RNF112: variants seen among roughly 807,000 people sequenced by gnomAD.
RNF112 encodes the protein ring finger protein 112, also known as brain finger protein.
RNF112 carries 34 observed loss-of-function variants against 64.7 expected under a neutral mutation model. That is an observed-to-expected ratio of 0.53 (90% CI 0.40 to 0.70). The LOEUF is 0.70. Among genes scored for constraint, RNF112 ranks in the 30% least tolerant of loss-of-function variants. The pLI is 0.00. For synonymous variants in RNF112, 345 were observed against 344.5 expected (o/e 1.00, Z -0.02); for missense variants, 734 against 850.0 (o/e 0.86, Z 1.70).
chr17:19,412,543 G>A lies in RNF112; in HGVS notation c.141G>A (p.Gln47=). ...AGTTGGAGCTAGGCCTGGGGCCCCA[G>A]CCCATGGCGCCCCGGGAGCTCCCTA... The part of the protein sequence containing the change: ...FPKLELGLGP[Q]PMAPRELPTC... The change falls in exon 3 of 14, where the codon CAG becomes CAA. Residue 47 remains glutamine, a synonymous_variant. Transcript: ENST00000461366. The surrounding 1 kb of genome is among the most constrained non-coding windows in gnomAD (Gnocchi z 5.1). The A allele has an allele frequency of 6.2e-7, 1 of 1,613,416 alleles. No homozygotes were observed. Among genetic ancestry groups the A allele is most frequent in the East Asian group, 2.2e-5 (1 of 44,842 alleles).
chr17:19,411,473 A>G lies in RNF112; in HGVS notation c.54+11A>G. Reference sequence around the variant, plus strand: ...CGGCTTGGCAAACGGGCAAGTCTTCAGTCCTAAGATCGGGAAGGAGAGTGG... The same window carrying G: ...CGGCTTGGCAAACGGGCAAGTCTTCGGTCCTAAGATCGGGAAGGAGAGTGG... On this transcript the variant is annotated intron_variant, in intron 1 of 13. Transcript: ENST00000461366. The G allele has an allele frequency of 7.1e-7, 1 of 1,416,088 alleles. No individual in the cohort carries two copies. The highest frequency in any genetic ancestry group is 3.5e-5 in the East Asian group (1 of 28,600). 87.7% of individuals were successfully genotyped at this position (1,416,088 alleles called of 1,614,324 possible).
chr17:19,415,317 C>T lies in RNF112; in HGVS notation c.1328C>T (p.Pro443Leu). 1 of 1,609,012 alleles carries T rather than the reference C, an allele frequency of 6.2e-7. No individual in the cohort carries two copies. Residue 443 changes from proline to leucine, a missense_variant, in exon 12 of 14, where the codon CCC becomes CTC. Coordinates refer to ENST00000461366, the MANE Select transcript of RNF112 (RefSeq NM_007148.5). The surrounding 1 kb of genome is among the most constrained non-coding windows in gnomAD (Gnocchi z 7.8). ...NLSGWMGRTG[P>L]GFTSPDEMAA... ...TCAGGATGGATGGGGAGGACAGGGC[C>T]CGGTTTCACCTCTCCGGATGAGGTA...
At position 19,412,897 on chromosome 17, in the gene RNF112, G is replaced by T. The variant is rs757616389; in HGVS notation, c.382-41G>T. The T allele has an allele frequency of 1.3e-6, 2 of 1,564,616 alleles. No homozygotes were observed. The highest frequency in any genetic ancestry group is 1.2e-5 in the South Asian group (1 of 86,204). ...TGAACACATTCCAGGGTCAGGAGCTGGTCCTGGATGCTCAGGGGCCCCTCT... is the reference window on the plus strand; with the variant it reads ...TGAACACATTCCAGGGTCAGGAGCTTGTCCTGGATGCTCAGGGGCCCCTCT... On this transcript the variant is annotated intron_variant, in intron 3 of 13. Transcript: ENST00000461366. This position sits in a 1 kb window ranked among gnomAD's most constrained non-coding sequence, Gnocchi z 5.1.
Position 19,415,116 on chromosome 17 carries a change from G to A in RNF112, c.1205G>A (p.Ser402Asn). Residue 402 changes from serine (S) to asparagine (N), a missense_variant, in exon 11 of 14, where the codon AGC (serine) becomes AAC (asparagine). Transcript: ENST00000461366. This position sits in a 1 kb window ranked among gnomAD's most constrained non-coding sequence, Gnocchi z 7.8. ...VLSAAPQHAK[S>N]RCQGYWNEGR... ...AGTGCGGCCCCCCAGCACGCTAAGA[G>A]CCGCTGCCAGGGGTACTGGAACGAG... 3.7e-6 allele frequency: 6 copies of A among 1,608,062 alleles called. No individual in the cohort carries two copies. The highest frequency in any genetic ancestry group is 1.3e-5 in the African/African-American group (1 of 74,566).
At position 19,415,880 on chromosome 17, in the gene RNF112, C is replaced by T; in HGVS notation, c.1601C>T (p.Ala534Val). The T allele has an allele frequency of 6.2e-7, 1 of 1,613,640 alleles. No individual in the cohort carries two copies. The highest frequency in any genetic ancestry group is 8.5e-7 in the Non-Finnish European group (1 of 1,179,820). The change falls in exon 14 of 14, where the codon GCC becomes GTC. Residue 534 changes from alanine to valine, a missense_variant. Ala to Val is a moderately conservative substitution (Grantham distance 64). Coordinates refer to ENST00000461366, the MANE Select transcript of RNF112 (RefSeq NM_007148.5). The surrounding 1 kb of genome is among the most constrained non-coding windows in gnomAD (Gnocchi z 7.8). ...GCTGAGCTGCAGGCCACGGCCAAGG[C>T]CTTCATGGACTCCTACACGATGCGC... is the stretch of plus-strand genomic sequence containing the variant. ...LEAELQATAK[A>V]FMDSYTMRFC...
rs1913691994 is a variant in RNF112, at chr17:19,412,449, CT to C, written c.96-48del. The C allele has an allele frequency of 1.9e-6, 3 of 1,583,356 alleles. No homozygotes were observed. Among genetic ancestry groups the C allele is most frequent in the Non-Finnish European group, 2.6e-6 (3 of 1,167,674 alleles). ...CCACCACAACCCTGGCCGGTACCCC[CT>C]GCCCCCAATAGACATCCTGCTTTTC... On this transcript the variant is annotated intron_variant, in intron 2 of 13. Transcript: ENST00000461366. The surrounding 1 kb of genome is among the most constrained non-coding windows in gnomAD (Gnocchi z 5.1).
Position 19,413,375 on chromosome 17 carries a change from G to A in RNF112, c.684G>A (p.Trp228Ter). Residue 228 changes from tryptophan (W) to a stop codon, truncating the protein, a stop_gained, in exon 5 of 14, where the codon TGG (tryptophan) becomes TGA (stop). Coordinates refer to ENST00000461366, the MANE Select transcript of RNF112 (RefSeq NM_007148.5). LOFTEE classifies it high-confidence loss of function. The surrounding 1 kb of genome is among the most constrained non-coding windows in gnomAD (Gnocchi z 5.9). ...ANGLARGIWMWSHPFLLGKEG... is the reference protein window; with the variant it reads ...ANGLARGIWM ...GCCTCGCCAGGGGCATATGGATGTG[G>A]AGCCACCCCTTCTTGCTGGGGAAAG... is the stretch of plus-strand genomic sequence containing the variant. The A allele has an allele frequency of 1.2e-6, 2 of 1,612,994 alleles. No individual in the cohort carries two copies. The highest frequency in any genetic ancestry group is 1.7e-6 in the Non-Finnish European group (2 of 1,179,386).
Position 19,414,427 on chromosome 17 carries a change from GCT to G in RNF112, c.877-21_877-20del. Reference sequence around the variant, plus strand: ...GTCCTCAAAGTGGCCCAGCCCTGACGCTTTCTGTGTCCCACCCCCAGATGTTT... The same window carrying G: ...GTCCTCAAAGTGGCCCAGCCCTGACGTTCTGTGTCCCACCCCCAGATGTTT... On this transcript the variant is annotated intron_variant, in intron 7 of 13. Coordinates refer to ENST00000461366, the MANE Select transcript of RNF112 (RefSeq NM_007148.5). 1 of 1,613,934 alleles carries G rather than the reference GCT, an allele frequency of 6.2e-7. No homozygotes were observed. Among genetic ancestry groups the G allele is most frequent in the East Asian group, 2.2e-5 (1 of 44,892 alleles).
In RNF112 at chr17:19,415,648, G is replaced by A; in HGVS notation, c.1425+56G>A. On this transcript the variant is annotated intron_variant, in intron 13 of 13. Coordinates refer to ENST00000461366, the MANE Select transcript of RNF112 (RefSeq NM_007148.5). The surrounding 1 kb of genome is among the most constrained non-coding windows in gnomAD (Gnocchi z 7.8). ...GTGGGCCGGGCAGGGTCCAGATCAGGGAGAGGATACCTGGGACTCCTGGTC... is the reference window on the plus strand; with the variant it reads ...GTGGGCCGGGCAGGGTCCAGATCAGAGAGAGGATACCTGGGACTCCTGGTC... 6.2e-7 allele frequency: 1 copy of A among 1,603,658 alleles called. No homozygotes were observed.
chr17:19,412,703 T>C lies in RNF112; in HGVS notation c.301T>C (p.Cys101Arg). The C allele has an allele frequency of 6.2e-7, 1 of 1,613,158 alleles. No individual in the cohort carries two copies. Among genetic ancestry groups the C allele is most frequent in the Non-Finnish European group, 8.5e-7 (1 of 1,179,712 alleles). The change falls in exon 3 of 14, where the codon TGC (cysteine) becomes CGC (arginine). Residue 101 changes from cysteine to arginine, a missense_variant. Coordinates refer to ENST00000461366, the MANE Select transcript of RNF112 (RefSeq NM_007148.5). This position sits in a 1 kb window ranked among gnomAD's most constrained non-coding sequence, Gnocchi z 5.1. The part of the protein sequence containing the change: ...PPCCPECRKI[C>R]KQKRGLRSLG... ...CTGCTGTCCTGAGTGCCGGAAGATA[T>C]GCAAGCAGAAGAGGGGCCTCCGGAG...
At chr17:19,411,696 G>C in intron 2 of RNF112, 26 bp downstream of exon 2, 2 of 1,573,424 alleles carry the variant, frequency 1.3e-6, no homozygotes, top group South Asian at 1.2e-5. Context: ...TTCCAGGCTG[G>C]GATGGGTGCA....
In RNF112 at chr17:19,415,369, G is replaced by A; in HGVS notation, c.1350+30G>A. ...GAGCGCTGGGGGATCCAGCATTCTG[G>A]CAGGGAGACAGGGGAGGCAGGGAGG... On this transcript the variant is annotated intron_variant, in intron 12 of 13. Transcript: ENST00000461366. This position sits in a 1 kb window ranked among gnomAD's most constrained non-coding sequence, Gnocchi z 7.8. 6.3e-7 allele frequency: 1 copy of A among 1,577,640 alleles called. No individual in the cohort carries two copies. The highest frequency in any genetic ancestry group is 8.6e-7 in the Non-Finnish European group (1 of 1,161,676).
Position 19,415,090 on chromosome 17 carries a change from G to T in RNF112, c.1179G>T (p.Leu393=), listed in dbSNP as rs765761638. 1 of 1,603,430 alleles carries T rather than the reference G, an allele frequency of 6.2e-7. No homozygotes were observed. Among genetic ancestry groups the T allele is most frequent in the Non-Finnish European group, 8.5e-7 (1 of 1,176,654 alleles). Residue 393 remains leucine (L), a synonymous_variant, in exon 11 of 14, where the codon CTG becomes CTT. Transcript: ENST00000461366. The surrounding 1 kb of genome is among the most constrained non-coding windows in gnomAD (Gnocchi z 7.8). ...HLLGAYVSDV[L]SAAPQHAKSR... ...TGGGGGCCTACGTCTCAGATGTGCT[G>T]AGTGCGGCCCCCCAGCACGCTAAGA...
chr17:19,414,259 C>A (rs1276401474), intron 7 of RNF112, 114 bp downstream of exon 7: 2 of 1,160,526 alleles, frequency 1.7e-6, no homozygotes, highest in Non-Finnish European at 2.5e-6. Context: ...GACACTTGAA[C>A]AGGGTTGAAG....
Position 19,412,536 on chromosome 17 carries a change from G to A in RNF112, c.134G>A (p.Gly45Glu), listed in dbSNP as rs1264305071. 3 of 1,613,292 alleles carry A rather than the reference G, an allele frequency of 1.9e-6. No individual in the cohort carries two copies. The highest frequency in any genetic ancestry group is 1.7e-5 in the Admixed American group (1 of 59,960). The change falls in exon 3 of 14, where the codon GGG becomes GAG. Residue 45 changes from glycine (G) to glutamate (E), a missense_variant. Coordinates refer to ENST00000461366, the MANE Select transcript of RNF112 (RefSeq NM_007148.5). The surrounding 1 kb of genome is among the most constrained non-coding windows in gnomAD (Gnocchi z 5.1). ...TPFPKLELGL[G>E]PQPMAPRELP... ...TTCCCCAAGTTGGAGCTAGGCCTGG[G>A]GCCCCAGCCCATGGCGCCCCGGGAG...
In RNF112 at chr17:19,413,343, G is replaced by A. The variant is rs772151664; in HGVS notation, c.652G>A (p.Ala218Thr). 22 of 1,613,104 alleles carry A rather than the reference G, an allele frequency of 1.4e-5. No homozygotes were observed. The East Asian group carries it at 2.9e-4, about 21-fold the overall frequency. Residue 218 changes from alanine (A) to threonine (T), a missense_variant, in exon 5 of 14, where the codon GCC (alanine) becomes ACC (threonine). Coordinates refer to ENST00000461366, the MANE Select transcript of RNF112 (RefSeq NM_007148.5). The surrounding 1 kb of genome is among the most constrained non-coding windows in gnomAD (Gnocchi z 5.9). ...ATCCCTGCAGGGCTGCAGGTGGGGC[G>A]CCAATGGCCTCGCCAGGGGCATATG... ...EASLQGCRWG[A>T]NGLARGIWMW...
At position 19,412,565 on chromosome 17, in the gene RNF112, C is replaced by A. The variant is rs1215426247; in HGVS notation, c.163C>A (p.Pro55Thr). 8 of 1,613,472 alleles carry A rather than the reference C, an allele frequency of 5.0e-6. No individual in the cohort carries two copies. Among genetic ancestry groups the A allele is most frequent in the East Asian group, 2.2e-5 (1 of 44,852 alleles). ...CCAGCCCATGGCGCCCCGGGAGCTCCCTACCTGCTCCATCTGCCTGGAGAG... is the reference window on the plus strand; with the variant it reads ...CCAGCCCATGGCGCCCCGGGAGCTCACTACCTGCTCCATCTGCCTGGAGAG... ...GPQPMAPRELPTCSICLERLR... is the reference protein window; with the variant it reads ...GPQPMAPRELTTCSICLERLR... The change falls in exon 3 of 14, where the codon CCT becomes ACT. Residue 55 changes from proline to threonine, a missense_variant. Pro to Thr is a conservative substitution (Grantham distance 38). Transcript: ENST00000461366. The surrounding 1 kb of genome is among the most constrained non-coding windows in gnomAD (Gnocchi z 5.1).
chr17:19,412,823 G>A lies in RNF112; in HGVS notation c.381+40G>A, dbSNP rs765233635. The A allele has an allele frequency of 5.0e-6, 8 of 1,595,506 alleles. No homozygotes were observed. In the Admixed American group the frequency reaches 1.1e-4, roughly 22 times the overall value. On this transcript the variant is annotated intron_variant, in intron 3 of 13. Transcript: ENST00000461366. The surrounding 1 kb of genome is among the most constrained non-coding windows in gnomAD (Gnocchi z 5.1). Reference sequence around the variant, plus strand: ...CCTAATCAGTCAGACCCAAGAGGAGGGGGTGGCTTTGGCCCTATTCTAGAA... The same window carrying A: ...CCTAATCAGTCAGACCCAAGAGGAGAGGGTGGCTTTGGCCCTATTCTAGAA...
rs371894521 is a variant in RNF112, at chr17:19,413,135, G to A, written c.579G>A (p.Leu193=). The A allele has an allele frequency of 8.1e-5, 130 of 1,612,764 alleles. No homozygotes were observed. In the African/African-American group the frequency reaches 1.4e-3, roughly 17 times the overall value. Residue 193 remains leucine (L), a synonymous_variant, in exon 4 of 14, where the codon TTG becomes TTA. Transcript: ENST00000461366. The surrounding 1 kb of genome is among the most constrained non-coding windows in gnomAD (Gnocchi z 5.9). The part of the protein sequence containing the change: ...SFLLNHLLQG[L]PGLESGEGGR... ...TCCTCAACCATTTGCTTCAGGGCTT[G>A]CCGGGCCTGGTGAGGGCGGGGCGGG...
Sources: allele counts gnomAD v4.1 joint callset, GRCh38; gene constraint gnomAD v4.1.1; non-coding constraint Gnocchi (gnomAD v3.1); transcripts MANE v1.5; gene names NCBI Gene and HGNC (gene_info 2026-07-23, HGNC 2026-07-21).